The following SHISA9 variants were observed in gnomAD, a reference collection of about 807,000 sequenced individuals.
SHISA9 encodes the protein protein shisa-9.
Under a neutral mutation model 38.0 loss-of-function variants are expected in SHISA9, and 13 were observed. That is an observed-to-expected ratio of 0.34 (90% CI 0.22 to 0.54). The LOEUF is 0.54. SHISA9 is among the 20% of genes least tolerant of loss of function. The pLI, the probability that SHISA9 is intolerant of heterozygous loss-of-function variation, is 0.91. For synonymous variants in SHISA9, 275 were observed against 242.0 expected (o/e 1.14, Z -1.27); for missense variants, 538 against 575.8 (o/e 0.93, Z 0.67).
At chr16:13,504,473 C>G in the SHISA9 span, among the ~76,000 whole-genome samples, 6 of 152,094 alleles carry the variant, frequency 3.9e-5, no homozygotes, top group Admixed American at 3.9e-4. Flanking sequence ...CAAAAATAAT[C>G]CCATTAGTCA....
chr16:12,972,242 G>T (rs964656592), intron 2 of SHISA9, among the ~76,000 whole-genome samples: 3 of 152,270 alleles, frequency 2.0e-5, no homozygotes, highest in African/African-American at 7.2e-5. Context: ...TCTCTGGAAA[G>T]AATATTTTAA....
At chr16:13,282,173 C>T in the SHISA9 span, among the ~76,000 whole-genome samples, 2 of 151,952 alleles carry the variant, frequency 1.3e-5, no homozygotes, top group South Asian at 2.1e-4. Context: ...CATTTCTTCT[C>T]ATGCAGGCAT....
the SHISA9 span, among the ~76,000 whole-genome samples, chr16:13,251,170 C>T: frequency 6.6e-6 from 1 of 152,116 alleles, no homozygotes; most frequent in South Asian, 2.1e-4. Flanking sequence ...AAGATGGCGG[C>T]CTTTGTGTGT....
chr16:13,241,907 C>G (rs140305502), downstream of SHISA9, among the ~76,000 whole-genome samples: 1 of 152,278 alleles, frequency 6.6e-6, no homozygotes, highest in African/African-American at 2.4e-5. Flanking sequence ...TCACTCACAT[C>G]AGAGCCCCAA....
intron 2 of SHISA9, among the ~76,000 whole-genome samples, chr16:13,192,405 AT>A (rs2050893846): frequency 6.6e-6 from 1 of 152,108 alleles, no homozygotes; most frequent in Non-Finnish European, 1.5e-5. Context: ...CTTTGGAAAA[AT>A]TTTATGAAAT....
the SHISA9 span, among the ~76,000 whole-genome samples, chr16:13,444,957 C>T: frequency 2.1e-5 from 3 of 141,950 alleles, no homozygotes; most frequent in African/African-American, 7.7e-5. Context: ...GAGCTGGGAC[C>T]ATGGGCACAC....
intron 2 of SHISA9, among the ~76,000 whole-genome samples, chr16:13,145,310 A>C (rs142667155): frequency 5.3e-5 from 8 of 152,288 alleles, no homozygotes; most frequent in African/African-American, 1.9e-4. Context: ...GGATCAGTTC[A>C]GGTCAGGAGT....
the SHISA9 span, among the ~76,000 whole-genome samples, chr16:13,442,154 C>T: frequency 6.6e-6 from 1 of 152,196 alleles, no homozygotes; most frequent in African/African-American, 2.4e-5. Flanking sequence ...TATAACTCTT[C>T]TGTTAGACCT....
At chr16:13,262,468 GT>G in the SHISA9 span, among the ~76,000 whole-genome samples, 4 of 152,172 alleles carry the variant, frequency 2.6e-5, no homozygotes, top group African/African-American at 9.7e-5. Context: ...GGCTTATCAG[GT>G]TGTATCACAC....
At chr16:13,375,409 C>A in the SHISA9 span, among the ~76,000 whole-genome samples, 1 of 152,150 alleles carries the variant, frequency 6.6e-6, no homozygotes, top group Admixed American at 6.5e-5. Flanking sequence ...GTTTTCCCAG[C>A]ACCATTTATT....
chr16:12,934,275 G>A (rs1288464990), intron 2 of SHISA9, among the ~76,000 whole-genome samples: 1 of 152,194 alleles, frequency 6.6e-6, no homozygotes, highest in Non-Finnish European at 1.5e-5. Context: ...TATGTTAGGT[G>A]TTTTATACAT....
the SHISA9 span, among the ~76,000 whole-genome samples, chr16:13,326,223 A>T: frequency 6.6e-6 from 1 of 152,102 alleles, no homozygotes; most frequent in Non-Finnish European, 1.5e-5. Flanking sequence ...AATCTGTTTT[A>T]CTCAGTCTAC....
the SHISA9 span, among the ~76,000 whole-genome samples, chr16:13,392,478 G>T: frequency 3.6e-4 from 55 of 152,304 alleles, 1 homozygote; most frequent in South Asian, 3.3e-3. Context: ...ACTGAAGGAT[G>T]TAGACCTTTT....
chr16:13,228,633 T>A (rs1214841125), intron 4 of SHISA9, among the ~76,000 whole-genome samples: 1 of 152,122 alleles, frequency 6.6e-6, no homozygotes, highest in African/African-American at 2.4e-5. Flanking sequence ...GGGAGGAAAG[T>A]GAGAAAGATA....
chr16:12,990,904 G>A (rs933506692), intron 2 of SHISA9, among the ~76,000 whole-genome samples: 2 of 152,190 alleles, frequency 1.3e-5, no homozygotes, highest in Non-Finnish European at 2.9e-5. Flanking sequence ...ATTGCTAGAA[G>A]GGGAATTACT....
At chr16:13,314,420 A>T in the SHISA9 span, among the ~76,000 whole-genome samples, 1 of 151,954 alleles carries the variant, frequency 6.6e-6, no homozygotes, top group Non-Finnish European at 1.5e-5. Flanking sequence ...TAGTATTTTT[A>T]GTAGAGACAG....
the SHISA9 span, among the ~76,000 whole-genome samples, chr16:13,280,888 C>T: frequency 6.6e-6 from 1 of 151,742 alleles, no homozygotes; most frequent in African/African-American, 2.4e-5. Flanking sequence ...ATAAAAACCA[C>T]TCTGTGCAGG....
intron 2 of SHISA9, among the ~76,000 whole-genome samples, chr16:12,938,907 C>A (rs2071571061): frequency 6.6e-6 from 1 of 152,112 alleles, no homozygotes; most frequent in Admixed American, 6.6e-5. Flanking sequence ...ACATTGAGGG[C>A]AGCAAATACT....
intron 2 of SHISA9, among the ~76,000 whole-genome samples, chr16:12,987,771 A>G (rs1336208317): frequency 6.6e-6 from 1 of 152,210 alleles, no homozygotes; most frequent in Non-Finnish European, 1.5e-5. Context: ...AAGAAAAAGC[A>G]ATTAGAGCTG....
Sources: gnomAD v4.1 joint callset for allele counts (sites outside exome capture counted in the v4.1 genomes callset) on GRCh38, gnomAD v4.1.1 for gene constraint, MANE v1.5 for transcripts, NCBI Gene and HGNC (gene_info 2026-07-23, HGNC 2026-07-21) for gene names.